Variants in ZNF573 observed in about 807,000 individuals in gnomAD.
The protein encoded by ZNF573 is zinc finger protein 573.
Under a neutral mutation model 57.4 loss-of-function variants are expected in ZNF573, and 41 were observed. The ratio of observed to expected loss-of-function variants is 0.71; its 90% CI spans 0.56 to 0.93. ZNF573 has a LOEUF of 0.93. Among genes scored for constraint, ZNF573 ranks in the 40% least tolerant of loss-of-function variants. The probability of loss-of-function intolerance (pLI) is 0.00; values close to 1 mark genes in which losing one functional copy is unlikely to be tolerated. For missense variants in ZNF573, 730 were observed against 794.8 expected (o/e 0.92, Z 0.98); for synonymous variants, 249 against 261.0 (o/e 0.95, Z 0.44).
intron 4 of ZNF573, among the ~76,000 whole-genome samples, chr19:37,768,677 A>T (rs1317052277): frequency 3.3e-5 from 5 of 151,670 alleles, no homozygotes; most frequent in Non-Finnish European, 5.9e-5. Context: ...TTATTTATTT[A>T]TTTTTTGAGA....
rs371454425 is a variant in ZNF573, at chr19:37,754,610, A to G, written c.296-14416T>C. Among the ~76,000 whole-genome samples, 52 of 151,900 alleles carry G rather than the reference A, an allele frequency of 3.4e-4. 1 individual carries two copies. Among genetic ancestry groups the G allele is most frequent in the East Asian group, 3.9e-4 (2 of 5,170 alleles). On this transcript the variant is annotated intron_variant, in intron 4 of 4. Coordinates refer to ENST00000536220, the MANE Select transcript of ZNF573 (RefSeq NM_001172690.2). The stretch of plus-strand genomic sequence containing the variant: ...TAAATGTAAAAATGTGAAAGTCTCT[A>G]TTAAATGGCTTTTGCTTGCATTCCA...
At chr19:37,752,037 A>G (rs1360623958) in intron 4 of ZNF573, among the ~76,000 whole-genome samples, 2 of 150,324 alleles carry the variant, frequency 1.3e-5, no homozygotes, top group African/African-American at 4.9e-5. Flanking sequence ...TACTGTATAT[A>G]GTATATAGTA....
intron 4 of ZNF573, among the ~76,000 whole-genome samples, chr19:37,744,223 C>CCCAA (rs2045355933): frequency 6.6e-6 from 1 of 151,932 alleles, no homozygotes; most frequent in Non-Finnish European, 1.5e-5. Flanking sequence ...CAGAGCAGCT[C>CCCAA]CCAAGCAGGT....
At chr19:37,744,762 AAAAAAAG>A (rs921449024) in intron 4 of ZNF573, among the ~76,000 whole-genome samples, 6 of 150,906 alleles carry the variant, frequency 4.0e-5, no homozygotes, top group Non-Finnish European at 7.4e-5. Context: ...AAAAAGAAAA[AAAAAAAG>A]AAAAAAGAAA....
intron 1 of ZNF573, among the ~76,000 whole-genome samples, chr19:37,778,255 C>G (rs149646968): frequency 0.014 from 2,038 of 149,726 alleles, 40 homozygotes; most frequent in African/African-American, 0.046. Context: ...GTGGCTCACG[C>G]CTGTAATCCC....
In ZNF573 at chr19:37,773,605, AC is replaced by A; in HGVS notation, c.69+55del. On this transcript the variant is annotated intron_variant, in intron 2 of 4. Coordinates refer to ENST00000536220, the MANE Select transcript of ZNF573 (RefSeq NM_001172690.2). The stretch of plus-strand genomic sequence containing the variant: ...AATAGGAAGCCTTAGGTTAATGAAA[AC>A]ATCCACATAACCTATGATCATGATA... 2.2e-6 allele frequency: 3 copies of A among 1,384,796 alleles called. No individual in the cohort carries two copies. The South Asian group carries it at 3.9e-5, about 18-fold the overall frequency. 85.8% of individuals were successfully genotyped at this position (1,384,796 alleles called of 1,614,324 possible).
At position 37,739,704 on chromosome 19, in the gene ZNF573, T is replaced by G. The variant is rs775313751; in HGVS notation, c.786A>C (p.Arg262Ser). The change falls in exon 5 of 5, where the codon AGA becomes AGC. Residue 262 changes from arginine (R) to serine (S), a missense_variant. Transcript: ENST00000536220. The part of the protein sequence containing the change: ...GRAFSQGGHL[R>S]IHQRVHTGEK... ...CGCCAGTATGAACTCTCTGATGAAT[T>G]CTAAGATGTCCACCTTGACTAAAGG... 2 of 1,613,794 alleles carry G rather than the reference T, an allele frequency of 1.2e-6. No homozygotes were observed. The highest frequency in any genetic ancestry group is 3.3e-5 in the Admixed American group (2 of 59,982).
intron 3 of ZNF573, 96 bp from the exon 4 acceptor site, chr19:37,770,193 C>A: frequency 1.1e-6 from 1 of 930,444 alleles, no homozygotes; most frequent in Non-Finnish European, 1.6e-6. Context: ...CTAAGGACTT[C>A]AAATAAAAGA....
Position 37,738,995 on chromosome 19 carries a change from T to G in ZNF573, c.1495A>C (p.Lys499Gln). Residue 499 changes from lysine to glutamine, a missense_variant, in exon 5 of 5, where the codon AAA becomes CAA. Coordinates refer to ENST00000536220, the MANE Select transcript of ZNF573 (RefSeq NM_001172690.2). The part of the protein sequence containing the change: ...RKTHTGEKPY[K>Q]CKECGKTFSL... ...AAGGTCTTGCCACATTCCTTACATTTATAGGGTTTCTCACCAGTATGAGTT... is the reference window on the plus strand; with the variant it reads ...AAGGTCTTGCCACATTCCTTACATTGATAGGGTTTCTCACCAGTATGAGTT... 2 of 1,613,194 alleles carry G rather than the reference T, an allele frequency of 1.2e-6. No individual in the cohort carries two copies. The highest frequency in any genetic ancestry group is 1.7e-6 in the Non-Finnish European group (2 of 1,179,744).
At chr19:37,755,531 C>T (rs1287161183) in intron 4 of ZNF573, among the ~76,000 whole-genome samples, 3 of 152,110 alleles carry the variant, frequency 2.0e-5, no homozygotes, top group African/African-American at 7.2e-5. Context: ...ATTTCTATTA[C>T]ATGAAGTAAA....
chr19:37,752,599 G>A (rs1413270875), intron 4 of ZNF573, among the ~76,000 whole-genome samples: 1 of 152,142 alleles, frequency 6.6e-6, no homozygotes, highest in African/African-American at 2.4e-5. Context: ...CTGAGAGTGA[G>A]AGGATAGGGA....
At chr19:37,743,145 C>CT (rs1227676819) in intron 4 of ZNF573, among the ~76,000 whole-genome samples, 1 of 151,870 alleles carries the variant, frequency 6.6e-6, no homozygotes, top group Non-Finnish European at 1.5e-5. Context: ...GGTGAAACCC[C>CT]ATCTCTACTA....
intron 4 of ZNF573, among the ~76,000 whole-genome samples, chr19:37,761,356 T>A (rs1399340427): frequency 6.6e-6 from 1 of 152,108 alleles, no homozygotes; most frequent in African/African-American, 2.4e-5. Context: ...CCGCAAAGCA[T>A]CCTCAGAAGC....
At position 37,767,068 on chromosome 19, in the gene ZNF573, T is replaced by C. The variant is rs894861848; in HGVS notation, c.295+2937A>G. Among the ~76,000 whole-genome samples, 5 of 152,200 alleles carry C rather than the reference T, an allele frequency of 3.3e-5. No homozygotes were observed. The East Asian group carries it at 9.6e-4, about 29-fold the overall frequency. On this transcript the variant is annotated intron_variant, in intron 4 of 4. Coordinates refer to ENST00000536220, the MANE Select transcript of ZNF573 (RefSeq NM_001172690.2). ...GGTGTACATACAAGTAACAACGTTA[T>C]GTTAAAGATTTATAGGAGCATTGTG... is the stretch of plus-strand genomic sequence containing the variant.
At chr19:37,762,635 A>AG (rs997704324) in intron 4 of ZNF573, among the ~76,000 whole-genome samples, 28 of 152,250 alleles carry the variant, frequency 1.8e-4, no homozygotes, top group African/African-American at 6.7e-4. Context: ...ACTGTGGACT[A>AG]GGGGCTAGAT....
intron 2 of ZNF573, among the ~76,000 whole-genome samples, chr19:37,772,682 G>A (rs1244480626): frequency 6.7e-6 from 1 of 149,578 alleles, no homozygotes. Context: ...TGCCCAGGCT[G>A]GAGTGCAGTG....
At position 37,771,559 on chromosome 19, in the gene ZNF573, C is replaced by T. The variant is rs759738629; in HGVS notation, c.202+5G>A. On this transcript the variant is annotated splice_donor_5th_base_variant and intron_variant, in intron 3 of 4. Transcript: ENST00000536220. ...TTTTAAATTACTTGAGGCAAATAAACTTACCCAGTGATACCAGGTTTCTAT... is the reference window on the plus strand; with the variant it reads ...TTTTAAATTACTTGAGGCAAATAAATTTACCCAGTGATACCAGGTTTCTAT... 51 of 1,609,260 alleles carry T rather than the reference C, an allele frequency of 3.2e-5. No homozygotes were observed. The highest frequency in any genetic ancestry group is 5.5e-5 in the South Asian group (5 of 90,612).
chr19:37,773,893 T>G (rs1245714244), intron 1 of ZNF573, 142 bp from the exon 2 acceptor site: 4 of 561,528 alleles, frequency 7.1e-6, no homozygotes, highest in Non-Finnish European at 1.2e-5. Flanking sequence ...ATCTAAGCAC[T>G]CCCTCACACC....
chr19:37,748,048 TG>T (rs1161801739), intron 4 of ZNF573, among the ~76,000 whole-genome samples: 4 of 152,166 alleles, frequency 2.6e-5, no homozygotes. Flanking sequence ...AGACTTGGAT[TG>T]GGAGAACACT....
Sources: allele counts gnomAD v4.1 joint callset (sites outside exome capture counted in the v4.1 genomes callset), GRCh38; gene constraint gnomAD v4.1.1; transcripts MANE v1.5; gene names NCBI Gene and HGNC (gene_info 2026-07-23, HGNC 2026-07-21).